ZWILCH: variants seen among roughly 807,000 people sequenced by gnomAD.
ZWILCH encodes the protein protein zwilch homolog.
A neutral mutation model predicts 79.9 loss-of-function variants in ZWILCH; 74 were observed. That is an observed-to-expected ratio of 0.93 (90% CI 0.77 to 1.12). The LOEUF (loss-of-function observed/expected upper bound fraction) is 1.12. Ranked by LOEUF, ZWILCH falls within the 50% of genes most tolerant of loss-of-function variation. The pLI, the probability that ZWILCH is intolerant of heterozygous loss-of-function variation, is 0.00. For missense variants in ZWILCH, 694 were observed against 687.5 expected (o/e 1.01, Z -0.11); for synonymous variants, 241 against 228.2 (o/e 1.06, Z -0.51).
intron 14 of ZWILCH, among the ~76,000 whole-genome samples, chr15:66,533,771 T>C (rs1894927480): frequency 6.6e-6 from 1 of 151,962 alleles, no homozygotes; most frequent in South Asian, 2.1e-4. Context: ...CAGTTGGTCC[T>C]CTATGTCTGT....
At chr15:66,520,495 G>T in intron 5 of ZWILCH, 95 bp from the exon 6 acceptor site, 1 of 687,668 alleles carries the variant, frequency 1.5e-6, no homozygotes, top group Non-Finnish European at 2.6e-6. Context: ...TTGTTGAGTT[G>T]TGGTACATTG....
intron 17 of ZWILCH, among the ~76,000 whole-genome samples, chr15:66,546,059 C>A (rs544794235): frequency 3.9e-5 from 6 of 152,300 alleles, no homozygotes; most frequent in African/African-American, 1.4e-4. Context: ...GAGTGCTGCT[C>A]ACCCAGTGGG....
At position 66,548,693 on chromosome 15, in the gene ZWILCH, G is replaced by T; in HGVS notation, c.*369G>T. 1.7e-6 allele frequency: 1 copy of T among 571,980 alleles called. No individual in the cohort carries two copies. Among genetic ancestry groups the T allele is most frequent in the South Asian group, 3.5e-5 (1 of 28,680 alleles). 35.4% of individuals were successfully genotyped at this position (571,980 alleles called of 1,614,324 possible). A position where few individuals can be genotyped will look rare whatever the true frequency, so the allele number is the denominator to read the frequency against. Reference sequence around the variant, plus strand: ...TTATCCCAAAAGCTTTAACTGTATTGGGAAAACTTAAAAAATAGCATCCTC... The same window carrying T: ...TTATCCCAAAAGCTTTAACTGTATTTGGAAAACTTAAAAAATAGCATCCTC... On this transcript the variant is annotated 3_prime_UTR_variant, in exon 19 of 19. Transcript: ENST00000307897.
chr15:66,527,992 C>T lies in ZWILCH; in HGVS notation c.969+80C>T. ...TTATGCTGACATCTTTCATGTTGTACCATCGCAAATGGATTTGGGATATCA... is the reference window on the plus strand; with the variant it reads ...TTATGCTGACATCTTTCATGTTGTATCATCGCAAATGGATTTGGGATATCA... On this transcript the variant is annotated intron_variant, in intron 10 of 18. Coordinates refer to ENST00000307897, the MANE Select transcript of ZWILCH (RefSeq NM_017975.5). 3.3e-6 allele frequency: 4 copies of T among 1,226,642 alleles called. No individual in the cohort carries two copies. In the South Asian group the frequency reaches 4.5e-5, roughly 14 times the overall value. The allele number at this position is 1,226,642 out of a possible 1,614,324, so 76.0% of individuals were successfully genotyped here. A position where few individuals can be genotyped will look rare whatever the true frequency, so the allele number is the denominator to read the frequency against.
chr15:66,544,152 G>C (rs141713902), intron 17 of ZWILCH, among the ~76,000 whole-genome samples: 1,962 of 151,476 alleles, frequency 0.013, 35 homozygotes, highest in African/African-American at 0.045. Flanking sequence ...AGCTACTCAG[G>C]AGGCTGAGGC....
intron 9 of ZWILCH, among the ~76,000 whole-genome samples, 158 bp from the exon 10 acceptor site, chr15:66,527,699 A>G (rs910467087): frequency 6.6e-6 from 1 of 152,164 alleles, no homozygotes; most frequent in African/African-American, 2.4e-5. Flanking sequence ...CCCCCACCTG[A>G]TGGATATCTA....
At chr15:66,517,393 C>G (rs555335675) in intron 4 of ZWILCH, among the ~76,000 whole-genome samples, 2 of 106,812 alleles carry the variant, frequency 1.9e-5, no homozygotes, top group Non-Finnish European at 3.9e-5. Flanking sequence ...ATTGTTATAC[C>G]TATAGATTTT....
chr15:66,538,009 CAG>C (rs1386467280), intron 16 of ZWILCH, among the ~76,000 whole-genome samples: 5 of 152,100 alleles, frequency 3.3e-5, no homozygotes, highest in African/African-American at 1.2e-4. Context: ...ATAGTGATAA[CAG>C]GGTCTAGGGT....
At chr15:66,529,607 C>T (rs376646828) in intron 12 of ZWILCH, 34 bp downstream of exon 12, 4 of 1,509,718 alleles carry the variant, frequency 2.6e-6, no homozygotes, top group South Asian at 1.1e-5. Flanking sequence ...ATCATTTTCT[C>T]AGCAGCATAG....
chr15:66,522,611 A>G (rs902199158), intron 7 of ZWILCH, among the ~76,000 whole-genome samples: 11 of 152,122 alleles, frequency 7.2e-5, no homozygotes, highest in African/African-American at 2.7e-4. Context: ...CCTGGCCTAA[A>G]ATAGATTTCA....
Position 66,549,892 on chromosome 15 carries a change from T to G in ZWILCH, c.*1568T>G. 2.1e-6 allele frequency: 1 copy of G among 485,816 alleles called. No homozygotes were observed. The highest frequency in any genetic ancestry group is 4.0e-5 in the Admixed American group (1 of 25,068). The allele number at this position is 485,816 out of a possible 1,614,324, so 30.1% of individuals were successfully genotyped here. A position where few individuals can be genotyped will look rare whatever the true frequency, so the allele number is the denominator to read the frequency against. On this transcript the variant is annotated 3_prime_UTR_variant, in exon 19 of 19. Coordinates refer to ENST00000307897, the MANE Select transcript of ZWILCH (RefSeq NM_017975.5). ...CTTTAAAATGCTTATAAATAGAAAT[T>G]TGACATTGCTTCAAAGAAACCTGAT...
intron 12 of ZWILCH, among the ~76,000 whole-genome samples, chr15:66,531,909 A>T (rs1894863314): frequency 2.0e-5 from 3 of 152,084 alleles, no homozygotes; most frequent in South Asian, 4.2e-4. Context: ...TCTACTAAAA[A>T]TATAAAAATT....
At chr15:66,512,189 T>C (rs371862527) in intron 2 of ZWILCH, among the ~76,000 whole-genome samples, 8 of 152,342 alleles carry the variant, frequency 5.3e-5, no homozygotes, top group Admixed American at 2.0e-4. Flanking sequence ...ATTCATGATA[T>C]AAAACTATTA....
intron 16 of ZWILCH, among the ~76,000 whole-genome samples, chr15:66,539,818 C>A (rs1441155410): frequency 6.6e-6 from 1 of 152,164 alleles, no homozygotes; most frequent in East Asian, 1.9e-4. Context: ...AGGATTCTTT[C>A]CAACTCTGCT....
chr15:66,520,177 G>C (rs1894441389), intron 5 of ZWILCH, among the ~76,000 whole-genome samples: 1 of 151,984 alleles, frequency 6.6e-6, no homozygotes, highest in African/African-American at 2.4e-5. Flanking sequence ...CTGGAGTGCA[G>C]TGGCGCAATC....
chr15:66,515,475 C>T (rs1458757696), intron 3 of ZWILCH, 51 bp from the exon 4 acceptor site: 2 of 1,122,804 alleles, frequency 1.8e-6, no homozygotes, highest in Non-Finnish European at 2.7e-6. Flanking sequence ...GAGTCAGCTG[C>T]TATCCTATAT....
intron 12 of ZWILCH, among the ~76,000 whole-genome samples, chr15:66,530,123 G>C (rs1314265420): frequency 6.6e-6 from 1 of 152,084 alleles, no homozygotes; most frequent in Non-Finnish European, 1.5e-5. Context: ...AATTTCTCTT[G>C]CTAATGGAAT....
rs1380151587 is a variant in ZWILCH, at chr15:66,540,114, T to C, written c.1591T>C (p.Trp531Arg). The C allele has an allele frequency of 5.0e-6, 8 of 1,610,440 alleles. No homozygotes were observed. The highest frequency in any genetic ancestry group is 6.8e-6 in the Non-Finnish European group (8 of 1,178,876). ...NLYQSEKPQK[W>R]RVEIYSGQKK... ...TTTCCTTAGTGAGAAGCCACAGAAATGGAGAGTGGAAATATATAGTGGTCA... is the reference window on the plus strand; with the variant it reads ...TTTCCTTAGTGAGAAGCCACAGAAACGGAGAGTGGAAATATATAGTGGTCA... The change falls in exon 17 of 19, where the codon TGG (tryptophan) becomes CGG (arginine). Residue 531 changes from tryptophan (W) to arginine (R), a missense_variant. By Grantham distance (101) the Trp-to-Arg change is moderately radical (BLOSUM62 -3). Transcript: ENST00000307897.
chr15:66,521,068 G>C lies in ZWILCH; in HGVS notation c.610G>C (p.Ala204Pro), dbSNP rs1255976721. 9 of 1,614,122 alleles carry C rather than the reference G, an allele frequency of 5.6e-6. No individual in the cohort carries two copies. The highest frequency in any genetic ancestry group is 7.6e-6 in the Non-Finnish European group (9 of 1,180,016). ...TTTTCAGGTAACATCCAAAGGCTTT[G>C]CCCAGTATGAGCTCTTTAAGTCCTC... ...HLSTVTSKGFAQYELFKSSAL... is the reference protein window; with the variant it reads ...HLSTVTSKGFPQYELFKSSAL... The change falls in exon 7 of 19, where the codon GCC (alanine) becomes CCC (proline). Residue 204 changes from alanine to proline, a missense_variant. Physicochemically the swap from Ala to Pro is conservative, Grantham distance 27. Transcript: ENST00000307897.
Sources: allele counts gnomAD v4.1 joint callset (sites outside exome capture counted in the v4.1 genomes callset), GRCh38; gene constraint gnomAD v4.1.1; transcripts MANE v1.5; gene names NCBI Gene and HGNC (gene_info 2026-07-23, HGNC 2026-07-21).